The following METTL15 variants were observed in gnomAD, a reference collection of about 807,000 sequenced individuals.
METTL15 encodes methyltransferase 15, mitochondrial 12S rRNA N4-cytidine.
A neutral mutation model predicts 38.3 loss-of-function variants in METTL15; 34 were observed. The observed-to-expected ratio is 0.89, with a 90% CI of 0.68 to 1.18. The LOEUF (loss-of-function observed/expected upper bound fraction) is 1.18. Among genes scored for constraint, METTL15 ranks in the 50% most tolerant of loss-of-function variants. The pLI is 0.00. For missense variants in METTL15, 438 were observed against 498.4 expected (o/e 0.88, Z 1.15); for synonymous variants, 162 against 170.9 (o/e 0.95, Z 0.41).
chr11:28,248,337 G>A (rs10835296), intron 4 of METTL15, among the ~76,000 whole-genome samples: 60,036 of 151,940 alleles, frequency 0.4, 14,695 homozygotes, highest in Non-Finnish European at 0.53. Context: ...TTCCTAGCAA[G>A]GAAAGTTGGG....
chr11:28,247,137 A>G (rs1210393881), intron 4 of METTL15, among the ~76,000 whole-genome samples: 1 of 152,136 alleles, frequency 6.6e-6, no homozygotes, highest in East Asian at 1.9e-4. Flanking sequence ...TTCTGATGAA[A>G]TGTTGGTGTT....
At chr11:28,310,617 G>T (rs1857242313) in intron 6 of METTL15, among the ~76,000 whole-genome samples, 1 of 151,984 alleles carries the variant, frequency 6.6e-6, no homozygotes, top group South Asian at 2.1e-4. Context: ...CTCAAAACAT[G>T]CAGTGACTCC....
downstream of METTL15, among the ~76,000 whole-genome samples, chr11:28,531,827 C>T (rs1020655045): frequency 6.6e-6 from 1 of 151,988 alleles, no homozygotes; most frequent in Non-Finnish European, 1.5e-5. Flanking sequence ...AATAGATAGA[C>T]ACAGAGAATC....
intron 6 of METTL15, among the ~76,000 whole-genome samples, chr11:28,319,389 G>GA (rs1005997428): frequency 4.0e-5 from 6 of 151,556 alleles, no homozygotes; most frequent in African/African-American, 1.5e-4. Context: ...CCCAGAAACG[G>GA]AAAGAAGCTC....
chr11:28,378,746 A>G (rs899657381), intron 5 of METTL15, among the ~76,000 whole-genome samples: 2 of 136,308 alleles, frequency 1.5e-5, no homozygotes, highest in African/African-American at 2.7e-5. Context: ...GGTTTGAAGT[A>G]TTCCCTCCTC....
At chr11:28,345,160 A>G (rs1849985610) in intron 3 of METTL15, among the ~76,000 whole-genome samples, 1 of 152,126 alleles carries the variant, frequency 6.6e-6, no homozygotes, top group Admixed American at 6.6e-5. Context: ...CTGGCAATAA[A>G]TGAATAGTTT....
chr11:28,263,794 C>T (rs1855303615), intron 4 of METTL15, among the ~76,000 whole-genome samples: 2 of 151,962 alleles, frequency 1.3e-5, no homozygotes, highest in Admixed American at 6.6e-5. Flanking sequence ...TACTTGGCTT[C>T]GTTTTTATCT....
intron 4 of METTL15, among the ~76,000 whole-genome samples, chr11:28,218,091 G>A (rs1347012799): frequency 6.6e-6 from 1 of 152,116 alleles, no homozygotes; most frequent in Non-Finnish European, 1.5e-5. Flanking sequence ...CCTATTCCGA[G>A]AAGAAAGTCA....
intron 4 of METTL15, among the ~76,000 whole-genome samples, chr11:28,288,114 A>T (rs778284254): frequency 6.6e-6 from 1 of 152,186 alleles, no homozygotes; most frequent in Non-Finnish European, 1.5e-5. Flanking sequence ...CCACAATGAG[A>T]TATCGCCTCA....
chr11:28,297,197 G>C (rs1289541495), intron 6 of METTL15, among the ~76,000 whole-genome samples: 1 of 151,766 alleles, frequency 6.6e-6, no homozygotes, highest in Non-Finnish European at 1.5e-5. Context: ...TTGCTAATTT[G>C]TATAATAGTA....
chr11:28,399,111 A>G (rs1177106382), intron 5 of METTL15: 8 of 152,110 alleles, frequency 5.3e-5, no homozygotes, highest in African/African-American at 9.7e-5. Context: ...ATATAGACCA[A>G]TGAAACAGAA....
intron 3 of METTL15, among the ~76,000 whole-genome samples, chr11:28,185,698 G>A (rs544313713): frequency 1.3e-4 from 19 of 151,184 alleles, no homozygotes; most frequent in African/African-American, 4.6e-4. Context: ...GTATTCTAAA[G>A]TCCCAGGCCA....
chr11:28,378,816 A>G (rs1037932427), intron 5 of METTL15, among the ~76,000 whole-genome samples: 3 of 133,960 alleles, frequency 2.2e-5, no homozygotes, highest in Non-Finnish European at 4.7e-5. Flanking sequence ...TCTTCTTTAA[A>G]TATTTAGTAG....
At chr11:28,221,648 G>C (rs1422788147) in intron 4 of METTL15, among the ~76,000 whole-genome samples, 3 of 152,082 alleles carry the variant, frequency 2.0e-5, no homozygotes, top group East Asian at 1.9e-4. Flanking sequence ...AGAATTTCCA[G>C]TTTTTCTGCT....
chr11:28,234,043 G>T (rs1178799049), intron 4 of METTL15, among the ~76,000 whole-genome samples: 1 of 150,356 alleles, frequency 6.7e-6, no homozygotes, highest in Non-Finnish European at 1.5e-5. Context: ...CTATGAGTGA[G>T]AATATATGGT....
rs553565170 is a variant in METTL15, at chr11:28,199,277, T to A, written c.271-11785T>A. ...TAAGCACTGTTACAAACCAACCTTC[T>A]TGATCTTACTGTGGATTAATGCTGC... On this transcript the variant is annotated intron_variant, in intron 3 of 6. Coordinates refer to ENST00000407364, the MANE Select transcript of METTL15 (RefSeq NM_001113528.2). Among the ~76,000 whole-genome samples the A allele has an allele frequency of 1.4e-4, 22 of 152,324 alleles. No homozygotes were observed. The East Asian group carries it at 1.7e-3, about 12-fold the overall frequency.
At chr11:28,368,788 T>C (rs886645530) in intron 5 of METTL15, among the ~76,000 whole-genome samples, 1 of 152,006 alleles carries the variant, frequency 6.6e-6, no homozygotes, top group African/African-American at 2.4e-5. Flanking sequence ...ATAAAGAAAA[T>C]GTGGCATGTA....
chr11:28,486,837 A>G (rs1851443529), intron 6 of METTL15, among the ~76,000 whole-genome samples: 1 of 152,198 alleles, frequency 6.6e-6, no homozygotes, highest in South Asian at 2.1e-4. Context: ...TCACCTTGTC[A>G]GGAAGAATCA....
intron 4 of METTL15, among the ~76,000 whole-genome samples, chr11:28,217,874 T>C (rs1852974232): frequency 6.6e-6 from 1 of 152,190 alleles, no homozygotes; most frequent in South Asian, 2.1e-4. Flanking sequence ...GTTGTAGATA[T>C]GCGGCATTTT....
Sources: gnomAD v4.1 joint callset for allele counts (sites outside exome capture counted in the v4.1 genomes callset) on GRCh38, gnomAD v4.1.1 for gene constraint, MANE v1.5 for transcripts, NCBI Gene and HGNC (gene_info 2026-07-23, HGNC 2026-07-21) for gene names.